Variants in MYO16 observed in about 807,000 individuals in gnomAD.
MYO16 encodes myosin XVI.
Under a neutral mutation model 205.3 loss-of-function variants are expected in MYO16, and 94 were observed. That is an observed-to-expected ratio of 0.46 (90% CI 0.39 to 0.54). MYO16 has a LOEUF of 0.54. Ranked by LOEUF, MYO16 falls within the 20% of genes least tolerant of loss-of-function variation. The pLI, the probability that MYO16 is intolerant of heterozygous loss-of-function variation, is 0.00. For missense variants in MYO16, 2,315 were observed against 2,387.5 expected (o/e 0.97, Z 0.63); for synonymous variants, 988 against 954.0 (o/e 1.04, Z -0.66).
At chr13:109,073,402 C>T (rs1194053856) in intron 27 of MYO16, among the ~76,000 whole-genome samples, 1 of 144,290 alleles carries the variant, frequency 6.9e-6, no homozygotes, top group Non-Finnish European at 1.5e-5. Context: ...TGAGCCACTG[C>T]ACACGGCCTG....
chr13:109,204,132 G>T (rs1880509154), intron 34 of MYO16, among the ~76,000 whole-genome samples: 1 of 152,138 alleles, frequency 6.6e-6, no homozygotes, highest in Non-Finnish European at 1.5e-5. Flanking sequence ...TTAGAAAAAT[G>T]ACTCTTTTTT....
At chr13:109,008,634 A>G (rs1317829922) in intron 21 of MYO16, among the ~76,000 whole-genome samples, 1 of 129,342 alleles carries the variant, frequency 7.7e-6, no homozygotes, top group East Asian at 2.2e-4. Context: ...TATCTTGTGT[A>G]TGCACTACTG....
chr13:108,968,381 G>A (rs879842058), intron 20 of MYO16, among the ~76,000 whole-genome samples: 8 of 152,120 alleles, frequency 5.3e-5, no homozygotes, highest in Admixed American at 2.6e-4. Flanking sequence ...AGGCCAACGC[G>A]GGTGGATCAC....
At chr13:108,615,130 T>C (rs1389628008) in intron 1 of MYO16, among the ~76,000 whole-genome samples, 1 of 151,822 alleles carries the variant, frequency 6.6e-6, no homozygotes, top group African/African-American at 2.4e-5. Flanking sequence ...AACCCAATAA[T>C]AAAGGGTAAA....
At chr13:109,148,067 CT>C (rs1877438509) in intron 32 of MYO16, among the ~76,000 whole-genome samples, 1 of 152,098 alleles carries the variant, frequency 6.6e-6, no homozygotes, top group Non-Finnish European at 1.5e-5. Flanking sequence ...GCCAAGAGTG[CT>C]TGTGCCTGAG....
At chr13:108,882,117 A>G (rs1879645770) in intron 12 of MYO16, among the ~76,000 whole-genome samples, 1 of 152,174 alleles carries the variant, frequency 6.6e-6, no homozygotes, top group South Asian at 2.1e-4. Context: ...AGCATTTTAA[A>G]ATACTTTTCT....
intron 28 of MYO16, among the ~76,000 whole-genome samples, chr13:109,108,028 A>G (rs1020213239): frequency 4.6e-5 from 7 of 152,158 alleles, no homozygotes; most frequent in Admixed American, 3.9e-4. Flanking sequence ...CTACCTAAAG[A>G]TAACTACTGA....
the MYO16 span, among the ~76,000 whole-genome samples, chr13:108,507,776 C>T: frequency 6.6e-6 from 1 of 152,070 alleles, no homozygotes; most frequent in Non-Finnish European, 1.5e-5. Flanking sequence ...AGTGATGTCT[C>T]ATAAGTATCT....
At chr13:109,001,507 C>T (rs1440035290) in intron 21 of MYO16, among the ~76,000 whole-genome samples, 1 of 152,082 alleles carries the variant, frequency 6.6e-6, no homozygotes, top group East Asian at 1.9e-4. Flanking sequence ...CTTTCCCAAA[C>T]AAGAATGGTA....
At chr13:108,929,913 G>A (rs1882179358) in intron 16 of MYO16, among the ~76,000 whole-genome samples, 1 of 152,256 alleles carries the variant, frequency 6.6e-6, no homozygotes, top group East Asian at 1.9e-4. Context: ...TATAATTGTG[G>A]CACTTTAAAA....
chr13:109,116,780 A>G (rs1182682045), intron 28 of MYO16, among the ~76,000 whole-genome samples: 1 of 152,102 alleles, frequency 6.6e-6, no homozygotes, highest in Non-Finnish European at 1.5e-5. Context: ...GGCTGCACCT[A>G]GCCATGGGTT....
chr13:108,497,750 C>T, the MYO16 span, among the ~76,000 whole-genome samples: 1 of 152,082 alleles, frequency 6.6e-6, no homozygotes, highest in Non-Finnish European at 1.5e-5. Context: ...TCTCCTCCAC[C>T]CCCCTGGCCT....
chr13:108,628,182 A>C (rs1879820752), upstream of MYO16, among the ~76,000 whole-genome samples: 1 of 152,160 alleles, frequency 6.6e-6, no homozygotes, highest in South Asian at 2.1e-4. Context: ...TTTTAGACAT[A>C]TTTTATTCCT....
At chr13:108,943,635 G>A (rs1289060712) in intron 16 of MYO16, among the ~76,000 whole-genome samples, 3 of 151,964 alleles carry the variant, frequency 2.0e-5, no homozygotes, top group Admixed American at 2.0e-4. Context: ...ATTTTTAGTA[G>A]AGATGAGGTT....
At chr13:109,124,965 A>T in intron 29 of MYO16, 147 bp from the exon 30 acceptor site, 1 of 864,312 alleles carries the variant, frequency 1.2e-6, no homozygotes, top group Non-Finnish European at 1.8e-6. Flanking sequence ...TAGTGTTATC[A>T]CTGCTGATTT....
intron 32 of MYO16, among the ~76,000 whole-genome samples, chr13:109,159,769 G>C (rs1878281081): frequency 6.6e-6 from 1 of 152,232 alleles, no homozygotes; most frequent in Admixed American, 6.5e-5. Context: ...ATGCCCTGCT[G>C]GACGCTGGAG....
chr13:108,723,541 G>C (rs539637628), intron 3 of MYO16, among the ~76,000 whole-genome samples: 8 of 152,048 alleles, frequency 5.3e-5, no homozygotes, highest in Non-Finnish European at 1.0e-4. Context: ...TTATACATGT[G>C]TGTACCCAAT....
chr13:108,671,799 G>A (rs1881999075), intron 2 of MYO16, among the ~76,000 whole-genome samples: 1 of 152,076 alleles, frequency 6.6e-6, no homozygotes, highest in Non-Finnish European at 1.5e-5. Context: ...GTCCTCACAT[G>A]GTGAAGAGGA....
intron 20 of MYO16, among the ~76,000 whole-genome samples, chr13:108,990,806 A>G (rs1367079886): frequency 6.6e-6 from 1 of 152,186 alleles, no homozygotes; most frequent in Non-Finnish European, 1.5e-5. Flanking sequence ...AGGATATTAC[A>G]GAATTATGAC....
Sources: allele counts gnomAD v4.1 joint callset (sites outside exome capture counted in the v4.1 genomes callset), GRCh38; gene constraint gnomAD v4.1.1; transcripts MANE v1.5; gene names NCBI Gene and HGNC (gene_info 2026-07-23, HGNC 2026-07-21).